Variants in PRKCA observed in about 807,000 individuals in gnomAD.
The protein encoded by PRKCA is protein kinase C alpha.
PRKCA carries 27 observed loss-of-function variants against 87.0 expected under a neutral mutation model. That is an observed-to-expected ratio of 0.31 (90% confidence interval 0.23 to 0.43). The LOEUF (loss-of-function observed/expected upper bound fraction) is 0.43. Ranked by LOEUF, PRKCA falls within the 20% of genes least tolerant of loss-of-function variation. PRKCA has a pLI of 1.00. For synonymous variants in PRKCA, 329 were observed against 311.1 expected (o/e 1.06, Z -0.61); for missense variants, 518 against 852.3 (o/e 0.61, Z 4.88).
chr17:66,592,172 T>A (rs1044816917), intron 3 of PRKCA, among the ~76,000 whole-genome samples: 1 of 152,024 alleles, frequency 6.6e-6, no homozygotes, highest in African/African-American at 2.4e-5. Context: ...CTGGTTAACA[T>A]GGCAAAACCC....
chr17:66,350,107 G>A (rs1017634969), intron 2 of PRKCA, among the ~76,000 whole-genome samples: 30 of 152,224 alleles, frequency 2.0e-4, no homozygotes, highest in African/African-American at 7.0e-4. Context: ...GGTGCTGGCA[G>A]GGGTCTGCTT....
At chr17:66,458,412 G>A (rs78903650) in intron 2 of PRKCA, among the ~76,000 whole-genome samples, 20,243 of 152,110 alleles carry the variant, frequency 0.13, 1,465 homozygotes, top group Middle Eastern at 0.2. Context: ...AGACCCCCCA[G>A]TAGAATATGC....
At chr17:66,411,029 A>G (rs1911765555) in intron 2 of PRKCA, among the ~76,000 whole-genome samples, 1 of 151,988 alleles carries the variant, frequency 6.6e-6, no homozygotes, top group South Asian at 2.1e-4. Flanking sequence ...AGTATTTTCC[A>G]TGTTTGATAA....
rs373241771 is a variant in PRKCA at position 66,689,067 on chromosome 17, C to T, written c.918+20C>T. 84 of 1,494,452 alleles carry T rather than the reference C, an allele frequency of 5.6e-5. No homozygotes were observed. The highest frequency in any genetic ancestry group is 2.4e-4 in the African/African-American group (17 of 71,102). 92.6% of individuals were successfully genotyped at this position (1,494,452 alleles called of 1,614,324 possible). A position where few individuals can be genotyped will look rare whatever the true frequency, so the allele number is the denominator to read the frequency against. On this transcript the variant is annotated intron_variant, in intron 8 of 16. Coordinates refer to ENST00000413366, the MANE Select transcript of PRKCA (RefSeq NM_002737.3). The surrounding 1 kb of genome is among the most constrained non-coding windows in gnomAD (Gnocchi z 4.1). The stretch of plus-strand genomic sequence containing the variant: ...TTCGAGGTGAGGATAACAAAATGCC[C>T]GGAAACACCTTTCCTTTAGAAAGCC...
rs73336544 is a variant in PRKCA at position 66,507,634 on chromosome 17, G to A, written c.288+11351G>A. Among the ~76,000 whole-genome samples the A allele has an allele frequency of 1.7e-3, 257 of 152,290 alleles. 1 individual carries two copies. The highest frequency in any genetic ancestry group is 5.9e-3 in the African/African-American group (246 of 41,568). On this transcript the variant is annotated intron_variant, in intron 3 of 16. Transcript: ENST00000413366. ...CCGGGTGGGAGCTGGCAGCAGTTTG[G>A]AGACTTGGTTTAGGTCCTTCTGAAG... is the stretch of plus-strand genomic sequence containing the variant.
intron 13 of PRKCA, among the ~76,000 whole-genome samples, chr17:66,764,181 C>T (rs936133181): frequency 1.3e-5 from 2 of 152,322 alleles, no homozygotes; most frequent in African/African-American, 2.4e-5. Flanking sequence ...ATTAGGTGAG[C>T]TTCAGAGCTA....
rs74353389 is a variant in PRKCA, at chr17:66,313,650, A to G, written c.205+7523A>G. On this transcript the variant is annotated intron_variant, in intron 2 of 16. Coordinates refer to ENST00000413366, the MANE Select transcript of PRKCA (RefSeq NM_002737.3). ...TTTGGTACAGTTATTTAAATGCTCT[A>G]TTTTACTTTGAGATTGGTAATAACT... Among the ~76,000 whole-genome samples the G allele has an allele frequency of 7.2e-5, 11 of 152,316 alleles. No homozygotes were observed. In the East Asian group the frequency reaches 2.1e-3, roughly 29 times the overall value.
chr17:66,315,632 A>G (rs1478019005), intron 2 of PRKCA, among the ~76,000 whole-genome samples: 4 of 152,130 alleles, frequency 2.6e-5, no homozygotes, highest in Non-Finnish European at 5.9e-5. Flanking sequence ...GGCATGTGCC[A>G]TGATGCCCGG....
intron 3 of PRKCA, among the ~76,000 whole-genome samples, chr17:66,594,182 C>G (rs970911851): frequency 6.6e-6 from 1 of 152,226 alleles, no homozygotes; most frequent in Non-Finnish European, 1.5e-5. Flanking sequence ...AACCATGGCT[C>G]TTCCACTGGA....
chr17:66,529,479 T>C (rs1490800027), intron 3 of PRKCA, among the ~76,000 whole-genome samples: 3 of 152,152 alleles, frequency 2.0e-5, no homozygotes, highest in Non-Finnish European at 4.4e-5. Flanking sequence ...GCCATGGAGC[T>C]CACGGGCCAT....
chr17:66,344,721 C>T (rs1907252518), intron 2 of PRKCA, among the ~76,000 whole-genome samples: 1 of 152,232 alleles, frequency 6.6e-6, no homozygotes, highest in Admixed American at 6.5e-5. Flanking sequence ...CTTTTTGTCA[C>T]AGATATTGAC....
At chr17:66,382,361 G>A (rs528008915) in intron 2 of PRKCA, among the ~76,000 whole-genome samples, 4 of 152,142 alleles carry the variant, frequency 2.6e-5, no homozygotes, top group Non-Finnish European at 4.4e-5. Context: ...GAGTGCAGTG[G>A]CACAATCTCA....
chr17:66,489,659 G>A (rs1359711027), intron 2 of PRKCA, among the ~76,000 whole-genome samples: 2 of 151,784 alleles, frequency 1.3e-5, no homozygotes, highest in Non-Finnish European at 2.9e-5. Flanking sequence ...TCCACTTTAT[G>A]CCAGCACTGA....
intron 3 of PRKCA, among the ~76,000 whole-genome samples, chr17:66,519,857 C>T (rs1967098783): frequency 6.6e-6 from 1 of 152,186 alleles, no homozygotes; most frequent in Admixed American, 6.5e-5. Flanking sequence ...AATCACAACC[C>T]TAGACTATGT....
At chr17:66,323,143 T>C (rs1905782620) in intron 2 of PRKCA, among the ~76,000 whole-genome samples, 1 of 152,192 alleles carries the variant, frequency 6.6e-6, no homozygotes, top group Non-Finnish European at 1.5e-5. Flanking sequence ...ATCTCCTCCT[T>C]TTCCTTATAA....
chr17:66,693,711 C>T (rs1972840700), intron 8 of PRKCA, among the ~76,000 whole-genome samples: 1 of 152,130 alleles, frequency 6.6e-6, no homozygotes, highest in African/African-American at 2.4e-5. Flanking sequence ...TTTTCTGTAC[C>T]TAGTCAGATA....
chr17:66,352,079 C>G (rs1388259264), intron 2 of PRKCA, among the ~76,000 whole-genome samples: 1 of 152,154 alleles, frequency 6.6e-6, no homozygotes, highest in Non-Finnish European at 1.5e-5. Context: ...ATGTGGTCAG[C>G]TGTCTACCCA....
At chr17:66,619,510 C>T (rs1031798220) in intron 3 of PRKCA, among the ~76,000 whole-genome samples, 3 of 152,154 alleles carry the variant, frequency 2.0e-5, no homozygotes, top group Non-Finnish European at 4.4e-5. Flanking sequence ...CCTATTTTCC[C>T]CATGGGAAGT....
At chr17:66,714,215 C>T (rs866419610) in intron 8 of PRKCA, among the ~76,000 whole-genome samples, 1 of 151,552 alleles carries the variant, frequency 6.6e-6, no homozygotes, top group South Asian at 2.1e-4. Flanking sequence ...CAGCCATGTT[C>T]CCCCCCACCC....
Sources: allele counts gnomAD v4.1 joint callset (sites outside exome capture counted in the v4.1 genomes callset), GRCh38; gene constraint gnomAD v4.1.1; non-coding constraint Gnocchi (gnomAD v3.1); transcripts MANE v1.5; gene names NCBI Gene and HGNC (gene_info 2026-07-23, HGNC 2026-07-21).